SLC41A2: variants seen among roughly 807,000 people sequenced by gnomAD.
SLC41A2 encodes the protein solute carrier family 41 member 2, also known as SLC41A1-like 1.
In SLC41A2, 32 loss-of-function variants were observed where a neutral mutation model predicts 58.3. The ratio of observed to expected loss-of-function variants is 0.55; its 90% CI spans 0.41 to 0.74. SLC41A2 has a LOEUF of 0.74. Among genes scored for constraint, SLC41A2 ranks in the 30% least tolerant of loss-of-function variants. The pLI is 0.00. For synonymous variants in SLC41A2, 190 were observed against 235.0 expected, an observed-to-expected ratio of 0.81 and a Z score of 1.75; for missense variants, 514 against 680.6, an observed-to-expected ratio of 0.76 and a Z score of 2.72.
chr12:104,940,504 CA>C (rs1323551792), intron 1 of SLC41A2, among the ~76,000 whole-genome samples: 1 of 120,356 alleles, frequency 8.3e-6, no homozygotes, highest in Non-Finnish European at 1.7e-5. Flanking sequence ...TAATAAAAAA[CA>C]AAAAAATAAA....
At chr12:104,944,927 T>G (rs1446117935) in intron 1 of SLC41A2, among the ~76,000 whole-genome samples, 1 of 151,482 alleles carries the variant, frequency 6.6e-6, no homozygotes, top group African/African-American at 2.4e-5. Flanking sequence ...TCCTAGCACT[T>G]TGGGAGGCCA....
intron 2 of SLC41A2, among the ~76,000 whole-genome samples, chr12:104,912,759 C>T (rs1187718839): frequency 6.6e-6 from 1 of 152,162 alleles, no homozygotes; most frequent in Non-Finnish European, 1.5e-5. Context: ...GGACTTGCAT[C>T]TGGTATCTCA....
intron 10 of SLC41A2, among the ~76,000 whole-genome samples, chr12:104,837,291 C>T (rs770164181): frequency 1.3e-5 from 2 of 152,132 alleles, no homozygotes; most frequent in Non-Finnish European, 2.9e-5. Context: ...CACCCGTACA[C>T]ATGAAATACA....
At chr12:104,949,806 C>T (rs1365088707) in intron 1 of SLC41A2, among the ~76,000 whole-genome samples, 1 of 152,192 alleles carries the variant, frequency 6.6e-6, no homozygotes. Context: ...TGGCCTCGAA[C>T]TCCCGACCTC....
chr12:104,810,745 T>C (rs994644948), intron 10 of SLC41A2, among the ~76,000 whole-genome samples: 19 of 152,168 alleles, frequency 1.2e-4, no homozygotes, highest in African/African-American at 4.6e-4. Context: ...TAAGTGGCTA[T>C]GTAGTTGTCA....
At chr12:104,807,121 T>A (rs1322583104) in intron 10 of SLC41A2, among the ~76,000 whole-genome samples, 1 of 152,258 alleles carries the variant, frequency 6.6e-6, no homozygotes, top group African/African-American at 2.4e-5. Context: ...TTTGGTGTTT[T>A]AGACGTGAAG....
At position 104,852,689 on chromosome 12, in the gene SLC41A2, T is replaced by C. The variant is rs189419480; in HGVS notation, c.1256-6715A>G. 2.8e-4 allele frequency among the ~76,000 whole-genome samples: 42 copies of C among 152,312 alleles called. No homozygotes were observed. In the East Asian group the frequency reaches 7.9e-3, roughly 29 times the overall value. ...GAGGGACTTCAGAAAGACACTGATA[T>C]CATTTTTCCAGATAAGGTGAATAAA... On this transcript the variant is annotated intron_variant, in intron 8 of 10. Coordinates refer to ENST00000258538, the MANE Select transcript of SLC41A2 (RefSeq NM_001352171.3).
At chr12:104,886,230 G>A (rs2044652029) in intron 6 of SLC41A2, 63 bp downstream of exon 6, 1 of 1,549,816 alleles carries the variant, frequency 6.5e-7, no homozygotes, top group Non-Finnish European at 8.8e-7. Context: ...TGGCATTGCT[G>A]CAACAATATT....
intron 6 of SLC41A2, among the ~76,000 whole-genome samples, chr12:104,870,975 A>G (rs1052690680): frequency 3.9e-5 from 6 of 152,206 alleles, no homozygotes; most frequent in Non-Finnish European, 7.4e-5. Flanking sequence ...GCATAGAGAC[A>G]TTCAAGATAA....
chr12:104,882,457 T>C (rs1418201715), intron 6 of SLC41A2, among the ~76,000 whole-genome samples: 3 of 152,202 alleles, frequency 2.0e-5, no homozygotes, highest in East Asian at 1.9e-4. Context: ...TGGCTGGTAC[T>C]GGTTTTTCCT....
At chr12:104,946,061 T>C (rs972149586) in intron 1 of SLC41A2, among the ~76,000 whole-genome samples, 36 of 152,308 alleles carry the variant, frequency 2.4e-4, no homozygotes, top group Non-Finnish European at 5.9e-5. Flanking sequence ...GATAAAACAT[T>C]AAAATTTTTT....
chr12:104,878,471 C>T (rs561991988), intron 6 of SLC41A2, among the ~76,000 whole-genome samples: 58 of 151,598 alleles, frequency 3.8e-4, no homozygotes, highest in Non-Finnish European at 6.3e-4. Context: ...CGTCCCCCCA[C>T]CCCACCACAG....
At chr12:104,916,608 A>G (rs1299334506) in intron 2 of SLC41A2, among the ~76,000 whole-genome samples, 1 of 152,042 alleles carries the variant, frequency 6.6e-6, no homozygotes, top group Admixed American at 6.5e-5. Context: ...ACAGCATGGT[A>G]CTGGTACCAA....
chr12:104,843,980 C>A (rs1009560513), intron 10 of SLC41A2, among the ~76,000 whole-genome samples: 1 of 152,126 alleles, frequency 6.6e-6, no homozygotes. Context: ...CCTTCCTACA[C>A]GCCAAACTCC....
chr12:104,925,923 A>C (rs575146551), intron 2 of SLC41A2, among the ~76,000 whole-genome samples: 1 of 152,326 alleles, frequency 6.6e-6, no homozygotes, highest in East Asian at 1.9e-4. Context: ...TAAAACAATT[A>C]TATTTCAAGT....
chr12:104,880,880 A>G (rs1422754992), intron 6 of SLC41A2, among the ~76,000 whole-genome samples: 3 of 152,196 alleles, frequency 2.0e-5, no homozygotes, highest in East Asian at 1.9e-4. Flanking sequence ...GAATAGTTTC[A>G]GAAGGAATGA....
chr12:104,855,389 T>C (rs975623862), intron 8 of SLC41A2, among the ~76,000 whole-genome samples: 1 of 152,232 alleles, frequency 6.6e-6, no homozygotes, highest in Non-Finnish European at 1.5e-5. Context: ...TCAGAGTGAC[T>C]ATGTTTGTGT....
chr12:104,878,261 A>G (rs1197656656), intron 6 of SLC41A2, among the ~76,000 whole-genome samples: 2 of 149,226 alleles, frequency 1.3e-5, no homozygotes, highest in African/African-American at 4.9e-5. Context: ...CTTAATGGTA[A>G]TTTAAATATC....
chr12:104,916,441 A>C (rs1203379110), intron 2 of SLC41A2, among the ~76,000 whole-genome samples: 1 of 152,126 alleles, frequency 6.6e-6, no homozygotes, highest in African/African-American at 2.4e-5. Context: ...TCAAGCTACC[A>C]ATGACTTTCT....
Sources: allele counts gnomAD v4.1 joint callset (sites outside exome capture counted in the v4.1 genomes callset), GRCh38; gene constraint gnomAD v4.1.1; transcripts MANE v1.5; gene names NCBI Gene and HGNC (gene_info 2026-07-23, HGNC 2026-07-21).